Variants in LOC128462377 observed in about 807,000 individuals in gnomAD.
the LOC128462377 span, among the ~76,000 whole-genome samples, chr16:89,363,597 T>C: frequency 6.6e-6 from 1 of 152,238 alleles, no homozygotes; most frequent in East Asian, 1.9e-4. Flanking sequence ...AAAACTTTCT[T>C]TGCATTCTGT....
chr16:89,354,442 G>A, the LOC128462377 span, among the ~76,000 whole-genome samples: 33 of 152,298 alleles, frequency 2.2e-4, no homozygotes, highest in Admixed American at 5.9e-4. Context: ...TGCCAGCGCA[G>A]TGCAGAGCCA....
At chr16:89,355,754 GTT>G in the LOC128462377 span, among the ~76,000 whole-genome samples, 1 of 152,242 alleles carries the variant, frequency 6.6e-6, no homozygotes, top group Non-Finnish European at 1.5e-5. Context: ...CAGGTCTTGT[GTT>G]ACTGAGCGCA....
chr16:89,350,681 T>C, the LOC128462377 span, among the ~76,000 whole-genome samples: 2 of 152,128 alleles, frequency 1.3e-5, no homozygotes, highest in Non-Finnish European at 2.9e-5. Flanking sequence ...GGAACTTTCT[T>C]GGGGTGATGG....
chr16:89,329,475 T>C, the LOC128462377 span, among the ~76,000 whole-genome samples: 4 of 152,224 alleles, frequency 2.6e-5, no homozygotes, highest in African/African-American at 7.2e-5. Flanking sequence ...TTTTAGGTGA[T>C]GGTGTTTCCC....
the LOC128462377 span, among the ~76,000 whole-genome samples, chr16:89,396,301 C>T: frequency 9.4e-4 from 143 of 152,148 alleles, 2 homozygotes; most frequent in Non-Finnish European, 2.9e-5. Context: ...CCCTTGGGTG[C>T]ACACTGTGTG....
the LOC128462377 span, among the ~76,000 whole-genome samples, chr16:89,391,099 G>A: frequency 7.8e-4 from 119 of 152,010 alleles, no homozygotes; most frequent in Non-Finnish European, 1.4e-3. Flanking sequence ...GCGGTGGTGG[G>A]CGCCTGTAGT....
the LOC128462377 span, among the ~76,000 whole-genome samples, chr16:89,351,493 T>C: frequency 2.6e-5 from 4 of 152,174 alleles, no homozygotes; most frequent in East Asian, 1.9e-4. Flanking sequence ...TTCATAAATA[T>C]ACGTATTCAA....
chr16:89,406,119 A>AC, the LOC128462377 span, among the ~76,000 whole-genome samples: 1 of 152,000 alleles, frequency 6.6e-6, no homozygotes, highest in Non-Finnish European at 1.5e-5. Context: ...CAAAAAAAAA[A>AC]AAAAAAAAAA....
chr16:89,345,125 G>T, the LOC128462377 span, among the ~76,000 whole-genome samples: 1 of 152,002 alleles, frequency 6.6e-6, no homozygotes, highest in Admixed American at 6.6e-5. Flanking sequence ...CTAAAATCTG[G>T]GAGCATCCAC....
At chr16:89,326,077 C>A in the LOC128462377 span, among the ~76,000 whole-genome samples, 1 of 152,238 alleles carries the variant, frequency 6.6e-6, no homozygotes, top group Non-Finnish European at 1.5e-5. Context: ...AAGGAAAATG[C>A]TTCTTTTACA....
the LOC128462377 span, among the ~76,000 whole-genome samples, chr16:89,333,876 C>T: frequency 2.2e-4 from 34 of 152,184 alleles, 1 homozygote; most frequent in East Asian, 3.7e-3. Context: ...AGTATGTTCC[C>T]AGTATGTGGG....
At chr16:89,363,836 G>A in the LOC128462377 span, among the ~76,000 whole-genome samples, 3 of 152,090 alleles carry the variant, frequency 2.0e-5, no homozygotes, top group Non-Finnish European at 2.9e-5. Flanking sequence ...AAGGAGGACT[G>A]ACTGAGGCAA....
At chr16:89,397,741 C>G in the LOC128462377 span, among the ~76,000 whole-genome samples, 3 of 152,362 alleles carry the variant, frequency 2.0e-5, no homozygotes, top group Admixed American at 6.5e-5. Context: ...GATGCAGAAG[C>G]CTCTCCTCTG....
chr16:89,393,810 T>G, the LOC128462377 span, among the ~76,000 whole-genome samples: 1 of 152,042 alleles, frequency 6.6e-6, no homozygotes, highest in Non-Finnish European at 1.5e-5. Flanking sequence ...TGAAACAGGC[T>G]CTAAGTATTT....
the LOC128462377 span, among the ~76,000 whole-genome samples, chr16:89,384,818 C>G: frequency 0.02 from 3,015 of 149,294 alleles, 102 homozygotes; most frequent in African/African-American, 0.071. Flanking sequence ...AGAACCGCTG[C>G]AGGTGAGAAC....
At chr16:89,410,029 C>T in the LOC128462377 span, among the ~76,000 whole-genome samples, 4 of 152,146 alleles carry the variant, frequency 2.6e-5, no homozygotes, top group African/African-American at 4.8e-5. Flanking sequence ...TTAGTAGAGA[C>T]GGGTTTTCAC....
chr16:89,387,131 G>A, the LOC128462377 span, among the ~76,000 whole-genome samples: 2 of 152,080 alleles, frequency 1.3e-5, no homozygotes, highest in African/African-American at 2.4e-5. Context: ...GAGGGTGGGA[G>A]AGGTAGGTCA....
At chr16:89,387,872 G>C in the LOC128462377 span, among the ~76,000 whole-genome samples, 22 of 151,102 alleles carry the variant, frequency 1.5e-4, 1 homozygote, top group Non-Finnish European at 3.0e-5. Context: ...AGGCGTGGTG[G>C]TGGGTGGTGG....
At chr16:89,374,683 C>A in the LOC128462377 span, among the ~76,000 whole-genome samples, 1 of 152,264 alleles carries the variant, frequency 6.6e-6, no homozygotes, top group East Asian at 1.9e-4. Flanking sequence ...CAGAGAGCAT[C>A]GGGAAAAGCA....
Sources: allele counts gnomAD v4.1 joint callset (sites outside exome capture counted in the v4.1 genomes callset), GRCh38; gene constraint gnomAD v4.1.1; transcripts MANE v1.5.